The following CDH15 variants were observed in gnomAD, a reference collection of about 807,000 sequenced individuals.
CDH15 encodes cadherin-15.
A neutral mutation model predicts 69.4 loss-of-function variants in CDH15; 73 were observed. The ratio of observed to expected loss-of-function variants is 1.05; its 90% CI spans 0.87 to 1.28. The LOEUF (loss-of-function observed/expected upper bound fraction) is 1.28, where lower values mean the gene tolerates loss of function less well. Ranked by LOEUF, CDH15 falls within the 50% of genes most tolerant of loss-of-function variation. The pLI is 0.00. For missense variants in CDH15, 1,343 were observed against 1,133.6 expected, an observed-to-expected ratio of 1.18 and a Z score of -2.65; for synonymous variants, 624 against 507.7, an observed-to-expected ratio of 1.23 and a Z score of -3.08.
Position 89,192,283 on chromosome 16 carries a change from GGCAGCCGCCCCAGCAGCGCGA to G in CDH15, c.1701_1721del (p.Pro568_Pro574del). ...CTCAGCCTGCTGCTCCGGGACTCGG[GGCAGCCGCCCCAGCAGCGCGA>G]GCAGCCTCTGAACGTGACCGTGTGC... On this transcript the variant is annotated inframe_deletion, in exon 11 of 14. Transcript: ENST00000289746. The G allele has an allele frequency of 6.5e-7, 1 of 1,531,602 alleles. No homozygotes were observed. Among genetic ancestry groups the G allele is most frequent in the Non-Finnish European group, 8.7e-7 (1 of 1,145,528 alleles). The allele number at this position is 1,531,602 out of a possible 1,614,324, so 94.9% of individuals were successfully genotyped here. A position where few individuals can be genotyped will look rare whatever the true frequency, so the allele number is the denominator to read the frequency against.
At position 89,190,253 on chromosome 16, in the gene CDH15, A is replaced by G. The variant is rs1293625888; in HGVS notation, c.989A>G (p.Tyr330Cys). 6.2e-7 allele frequency: 1 copy of G among 1,612,484 alleles called. No homozygotes were observed. The highest frequency in any genetic ancestry group is 8.5e-7 in the Non-Finnish European group (1 of 1,179,790). ...GCTTCCTTCCCTCAGGCCCTGGACT[A>G]TGAGAGCTGTGAACACTACGAACTC... is the stretch of plus-strand genomic sequence containing the variant. ...GVLSIVKALD[Y>C]ESCEHYELKV... is the part of the protein sequence containing the mutation. The change falls in exon 8 of 14, where the codon TAT becomes TGT. Residue 330 changes from tyrosine (Y) to cysteine (C), a missense_variant. By Grantham distance (194) the Tyr-to-Cys change is radical (BLOSUM62 -2). Coordinates refer to ENST00000289746, the MANE Select transcript of CDH15 (RefSeq NM_004933.3).
rs1158443817 is a variant in CDH15 at position 89,195,201 on chromosome 16, G to C, written c.*46G>C. 1.3e-6 allele frequency: 2 copies of C among 1,516,174 alleles called. No homozygotes were observed. Among genetic ancestry groups the C allele is most frequent in the East Asian group, 2.3e-5 (1 of 42,592 alleles). 93.9% of individuals were successfully genotyped at this position (1,516,174 alleles called of 1,614,324 possible). A position where few individuals can be genotyped will look rare whatever the true frequency, so the allele number is the denominator to read the frequency against. ...TGCCACTCCCCGGCCTCGTGGCAGT[G>C]ATGGCCCCTGCAGAGGCAGCCTGAG... On this transcript the variant is annotated 3_prime_UTR_variant, in exon 14 of 14. Coordinates refer to ENST00000289746, the MANE Select transcript of CDH15 (RefSeq NM_004933.3).
rs772387325 is a variant in CDH15, at chr16:89,183,613, A to G, written c.423A>G (p.Val141=). The G allele has an allele frequency of 1.2e-6, 2 of 1,614,110 alleles. No homozygotes were observed. The highest frequency in any genetic ancestry group is 1.7e-6 in the Non-Finnish European group (2 of 1,180,012). ...AGGACCCCACGGACCTGGAGATTGT[A>G]GTTGTGGATCAGAATGACAACCGGC... ...TLEDPTDLEI[V]VVDQNDNRPA... is the part of the protein sequence containing the mutation. The change falls in exon 4 of 14, where the codon GTA becomes GTG. Residue 141 remains valine (V), a synonymous_variant. Coordinates refer to ENST00000289746, the MANE Select transcript of CDH15 (RefSeq NM_004933.3).
Position 89,190,287 on chromosome 16 carries a change from G to C in CDH15, c.1023G>C (p.Ser341=). The change falls in exon 8 of 14, where the codon TCG becomes TCC. Residue 341 remains serine (S), a synonymous_variant. Coordinates refer to ENST00000289746, the MANE Select transcript of CDH15 (RefSeq NM_004933.3). The part of the protein sequence containing the change: ...ESCEHYELKV[S]VQNEAPLQAA... ...GTGAACACTACGAACTCAAAGTGTCGGTGCAGAATGAGGCCCCGCTGCAGG... is the reference window on the plus strand; with the variant it reads ...GTGAACACTACGAACTCAAAGTGTCCGTGCAGAATGAGGCCCCGCTGCAGG... The C allele has an allele frequency of 6.2e-7, 1 of 1,612,204 alleles. No individual in the cohort carries two copies. The highest frequency in any genetic ancestry group is 8.5e-7 in the Non-Finnish European group (1 of 1,179,606).
rs774560040 is a variant in CDH15, at chr16:89,183,607, G to C, written c.417G>C (p.Glu139Asp). 2 of 1,614,182 alleles carry C rather than the reference G, an allele frequency of 1.2e-6. No homozygotes were observed. Among genetic ancestry groups the C allele is most frequent in the Non-Finnish European group, 1.7e-6 (2 of 1,180,030 alleles). ...GSTLEDPTDL[E>D]IVVVDQNDNR... is the part of the protein sequence containing the mutation. ...CCCTGGAGGACCCCACGGACCTGGA[G>C]ATTGTAGTTGTGGATCAGAATGACA... The change falls in exon 4 of 14, where the codon GAG becomes GAC. Residue 139 changes from glutamate to aspartate, a missense_variant. Glu to Asp is a conservative substitution (Grantham distance 45). Coordinates refer to ENST00000289746, the MANE Select transcript of CDH15 (RefSeq NM_004933.3).
Position 89,187,414 on chromosome 16 carries a change from G to A in CDH15, c.664-15G>A. ...CTGGGCCCTCATCTTCTGACCCTGT[G>A]CCCCACATCCCCAGGTGGTCGCGGT... On this transcript the variant is annotated splice_polypyrimidine_tract_variant and intron_variant, in intron 5 of 13. Transcript: ENST00000289746. The A allele has an allele frequency of 6.2e-7, 1 of 1,612,144 alleles. No individual in the cohort carries two copies. Among genetic ancestry groups the A allele is most frequent in the East Asian group, 2.2e-5 (1 of 44,888 alleles).
chr16:89,181,582 C>T (rs745955652), intron 3 of CDH15, among the ~76,000 whole-genome samples: 4 of 151,634 alleles, frequency 2.6e-5, no homozygotes, highest in East Asian at 1.9e-4. Flanking sequence ...CACTGCCGTG[C>T]GCCGTGATTG....
rs574046829 is a variant in CDH15, at chr16:89,175,349, C to A, written c.42+3476C>A. Among the ~76,000 whole-genome samples, 4 of 152,332 alleles carry A rather than the reference C, an allele frequency of 2.6e-5. No individual in the cohort carries two copies. In the East Asian group the frequency reaches 7.7e-4, roughly 29 times the overall value. On this transcript the variant is annotated intron_variant, in intron 1 of 13. Transcript: ENST00000289746. ...TCCTAGAGCCTGGGGTCTCCCTGCC[C>A]CATGCCCATGCCTAGCCCAAGGCCG...
At position 89,171,803 on chromosome 16, in the gene CDH15, A is replaced by C. The variant is rs1178821845; in HGVS notation, c.-29A>C. ...ACGCGCTTCTTCGGGTCGCGGGTGC[A>C]CTCCGGCCCGGCTCCCGCCTCGGCC... On this transcript the variant is annotated 5_prime_UTR_variant, in exon 1 of 14. Coordinates refer to ENST00000289746, the MANE Select transcript of CDH15 (RefSeq NM_004933.3). 3 of 1,542,334 alleles carry C rather than the reference A, an allele frequency of 1.9e-6. No homozygotes were observed. The highest frequency in any genetic ancestry group is 3.3e-4 in the Middle Eastern group (2 of 5,976).
intron 11 of CDH15, 96 bp from the exon 12 acceptor site, chr16:89,193,374 G>C: frequency 2.3e-6 from 1 of 437,522 alleles, no homozygotes; most frequent in Non-Finnish European, 3.9e-6. Flanking sequence ...TACCAGCCTT[G>C]CCCCGCCCCG....
intron 3 of CDH15, among the ~76,000 whole-genome samples, chr16:89,182,389 C>T (rs908366795): frequency 5.3e-5 from 8 of 150,756 alleles, no homozygotes; most frequent in Non-Finnish European, 8.9e-5. Context: ...GCTTGTAATC[C>T]GAGCACTTTG....
Position 89,171,799 on chromosome 16 carries a change from G to C in CDH15, c.-33G>C. 1 of 1,544,986 alleles carries C rather than the reference G, an allele frequency of 6.5e-7. No individual in the cohort carries two copies. On this transcript the variant is annotated 5_prime_UTR_variant, in exon 1 of 14. Transcript: ENST00000289746. ...CTGGACGCGCTTCTTCGGGTCGCGG[G>C]TGCACTCCGGCCCGGCTCCCGCCTC... is the stretch of plus-strand genomic sequence containing the variant.
In CDH15 at chr16:89,178,345, C is replaced by T. The variant is rs1002612438; in HGVS notation, c.43-1071C>T. ...CCCATCCCCGAGCACCAGGGCTTCCCGTGTGCATTACAAACAGTGCGTCCC... is the reference window on the plus strand; with the variant it reads ...CCCATCCCCGAGCACCAGGGCTTCCTGTGTGCATTACAAACAGTGCGTCCC... On this transcript the variant is annotated intron_variant, in intron 1 of 13. Transcript: ENST00000289746. Among the ~76,000 whole-genome samples, 14 of 152,172 alleles carry T rather than the reference C, an allele frequency of 9.2e-5. No individual in the cohort carries two copies. The East Asian group carries it at 1.2e-3, about 13-fold the overall frequency.
In CDH15 at chr16:89,171,818, C is replaced by G; in HGVS notation, c.-14C>G. The G allele has an allele frequency of 1.3e-6, 2 of 1,552,258 alleles. No homozygotes were observed. The highest frequency in any genetic ancestry group is 1.2e-5 in the South Asian group (1 of 84,618). ...TCGCGGGTGCACTCCGGCCCGGCTC[C>G]CGCCTCGGCCCCGATGGACGCCGCG... is the stretch of plus-strand genomic sequence containing the variant. On this transcript the variant is annotated 5_prime_UTR_variant, in exon 1 of 14. Transcript: ENST00000289746.
rs551982862 is a variant in CDH15, at chr16:89,185,176, C to G, written c.506C>G (p.Thr169Ser). ...GRVLEGAVPGTYVTRAEATDA... is the reference protein window; with the variant it reads ...GRVLEGAVPGSYVTRAEATDA... ...CACGCCTCCCTGTGCTTCCCAGGCA[C>G]CTATGTGACCAGGGCAGAGGCCACA... is the stretch of plus-strand genomic sequence containing the variant. The change falls in exon 5 of 14, where the codon ACC becomes AGC. Residue 169 changes from threonine (T) to serine (S), a missense_variant. Coordinates refer to ENST00000289746, the MANE Select transcript of CDH15 (RefSeq NM_004933.3). The G allele has an allele frequency of 1.9e-6, 3 of 1,597,782 alleles. No homozygotes were observed. The highest frequency in any genetic ancestry group is 4.5e-5 in the East Asian group (2 of 44,404).
Position 89,180,320 on chromosome 16 carries a change from G to T in CDH15, c.322G>T (p.Ala108Ser). The change falls in exon 3 of 14, where the codon GCC becomes TCC. Residue 108 changes from alanine (A) to serine (S), a missense_variant. Ala to Ser is a moderately conservative substitution (Grantham distance 99). Transcript: ENST00000289746. ...DKFTGKVFLNAMLDREKTDRF... is the reference protein window; with the variant it reads ...DKFTGKVFLNSMLDREKTDRF... ...GTTCACAGGGAAGGTCTTCCTCAAT[G>T]CCATGCTGGACCGCGAGAAGACTGA... The T allele has an allele frequency of 1.2e-6, 2 of 1,612,720 alleles. No individual in the cohort carries two copies. The highest frequency in any genetic ancestry group is 1.7e-6 in the Non-Finnish European group (2 of 1,179,646).
rs1325326543 is a variant in CDH15, at chr16:89,180,248, G to A, written c.250G>A (p.Gly84Arg). The A allele has an allele frequency of 2.5e-6, 4 of 1,610,154 alleles. No individual in the cohort carries two copies. Among genetic ancestry groups the A allele is most frequent in the Non-Finnish European group, 2.5e-6 (3 of 1,178,468 alleles). Residue 84 changes from glycine to arginine, a missense_variant, in exon 3 of 14, where the codon GGA (glycine) becomes AGA (arginine). By Grantham distance (125) the Gly-to-Arg change is moderately radical (BLOSUM62 -2). Coordinates refer to ENST00000289746, the MANE Select transcript of CDH15 (RefSeq NM_004933.3). ...GGGCAGCGTCATCTACAGCATCCAG[G>A]GACCCGGCGTGGATGAGGAGCCCCG... is the stretch of plus-strand genomic sequence containing the variant. Reference protein sequence around the residue: ...QLGSVIYSIQGPGVDEEPRGV... With the variant: ...QLGSVIYSIQRPGVDEEPRGV...
chr16:89,177,584 G>A (rs1376800684), intron 1 of CDH15, among the ~76,000 whole-genome samples: 2 of 151,964 alleles, frequency 1.3e-5, no homozygotes, highest in Admixed American at 6.5e-5. Context: ...ACGGGGAGAG[G>A]GCACAGGGGA....
rs750047641 is a variant in CDH15 at position 89,195,144 on chromosome 16, C to T, written c.2434C>T (p.Arg812Trp). ...GGCACTGCTACCCAGACACAGAGGC[C>T]GGACAGCCTGACCCTGGGGCGCAAC... ...PGALLPRHRG[R>W]TA The change falls in exon 14 of 14, where the codon CGG becomes TGG. Residue 812 changes from arginine to tryptophan, a missense_variant. Arg to Trp is a moderately radical substitution (Grantham distance 101). Transcript: ENST00000289746. The T allele has an allele frequency of 7.5e-6, 12 of 1,592,412 alleles. No homozygotes were observed. The highest frequency in any genetic ancestry group is 2.2e-5 in the East Asian group (1 of 44,682).
Sources: gnomAD v4.1 joint callset for allele counts (sites outside exome capture counted in the v4.1 genomes callset) on GRCh38, gnomAD v4.1.1 for gene constraint, MANE v1.5 for transcripts, NCBI Gene and HGNC (gene_info 2026-07-23, HGNC 2026-07-21) for gene names.